Variants in USP48 observed in about 807,000 individuals in gnomAD.
The protein encoded by USP48 is ubiquitin specific peptidase 48.
USP48 carries 43 observed loss-of-function variants against 150.7 expected under a neutral mutation model. The ratio of observed to expected loss-of-function variants is 0.29; its 90% CI spans 0.22 to 0.37. The LOEUF is 0.37. Ranked by LOEUF, USP48 falls within the 10% of genes least tolerant of loss-of-function variation. The pLI is 1.00. For missense variants in USP48, 813 were observed against 1,249.6 expected (o/e 0.65, Z 5.27); for synonymous variants, 396 against 425.9 (o/e 0.93, Z 0.86).
chr1:21,729,196 T>G (rs2097749277), intron 10 of USP48, among the ~76,000 whole-genome samples: 1 of 151,044 alleles, frequency 6.6e-6, no homozygotes, highest in African/African-American at 2.4e-5. Flanking sequence ...GGCACAGAAC[T>G]GCTTAAACCC....
Position 21,694,608 on chromosome 1 carries a change from C to CAAAAAAAAA in USP48, c.2883+457_2883+458insTTTTTTTTT, listed in dbSNP as rs1491189889. Among the ~76,000 whole-genome samples, 135 of 28,994 alleles carry CAAAAAAAAA rather than the reference C, an allele frequency of 4.7e-3. 8 individuals are homozygous for CAAAAAAAAA. Among genetic ancestry groups the CAAAAAAAAA allele is most frequent in the Admixed American group, 0.016 (19 of 1,200 alleles). 19.0% of individuals were successfully genotyped at this position (28,994 alleles called of 152,430 possible). A position where few individuals can be genotyped will look rare whatever the true frequency, so the allele number is the denominator to read the frequency against. ...AAAAAAAAAAAAAAAAAAAAAAAAACCCCCTCTATCTATCAAATAGATTTA... is the reference window on the plus strand; with the variant it reads ...AAAAAAAAAAAAAAAAAAAAAAAAACAAAAAAAAACCCCTCTATCTATCAAATAGATTTA... On this transcript the variant is annotated intron_variant, in intron 23 of 26. Coordinates refer to ENST00000308271, the MANE Select transcript of USP48 (RefSeq NM_032236.8).
At chr1:21,686,976 T>G (rs956731249) in intron 25 of USP48, 1 of 566,366 alleles carries the variant, frequency 1.8e-6, no homozygotes, top group African/African-American at 1.9e-5. Flanking sequence ...GAGCTCACAT[T>G]TATTTCAGTT....
Position 21,747,085 on chromosome 1 carries a change from G to C in USP48, c.973C>G (p.Pro325Ala). 6.2e-6 allele frequency: 10 copies of C among 1,611,512 alleles called. No individual in the cohort carries two copies. Among genetic ancestry groups the C allele is most frequent in the Non-Finnish European group, 8.5e-6 (10 of 1,179,388 alleles). ...IGFSEILDME[P>A]YVEHKGGSYV... ...ATATTACCTTTATGTTCCACATAAG[G>C]CTCCATATCCAAAATTTCTGAGAAG... Residue 325 changes from proline (P) to alanine (A), a missense_variant, in exon 8 of 27, where the codon CCT becomes GCT. Physicochemically the swap from Pro to Ala is conservative, Grantham distance 27. Coordinates refer to ENST00000308271, the MANE Select transcript of USP48 (RefSeq NM_032236.8).
At chr1:21,721,407 T>C (rs981988767) in intron 13 of USP48, among the ~76,000 whole-genome samples, 1 of 152,226 alleles carries the variant, frequency 6.6e-6, no homozygotes, top group Non-Finnish European at 1.5e-5. Context: ...TTCAAGCCAA[T>C]CACACCAATC....
intron 15 of USP48, among the ~76,000 whole-genome samples, chr1:21,714,038 C>T (rs1387575428): frequency 2.0e-5 from 3 of 152,200 alleles, no homozygotes; most frequent in African/African-American, 7.2e-5. Context: ...ACCACCATCA[C>T]TAGTATCATC....
At position 21,750,724 on chromosome 1, in the gene USP48, CA is replaced by C. The variant is rs966067264; in HGVS notation, c.774+782del. Among the ~76,000 whole-genome samples, 330 of 151,544 alleles carry C rather than the reference CA, an allele frequency of 2.2e-3. 9 individuals are homozygous for C. The highest frequency in any genetic ancestry group is 2.1e-3 in the Admixed American group (32 of 15,200). On this transcript the variant is annotated intron_variant, in intron 6 of 26. Coordinates refer to ENST00000308271, the MANE Select transcript of USP48 (RefSeq NM_032236.8). ...CCTGTTTCTACTAAAAATACACACA[CA>C]AAAAAAATTAGCCAGGTATGGTGGC...
chr1:21,694,208 G>T (rs2097614068), intron 23 of USP48, among the ~76,000 whole-genome samples: 2 of 152,098 alleles, frequency 1.3e-5, no homozygotes, highest in Admixed American at 1.3e-4. Flanking sequence ...TGCTTTGAGG[G>T]GGATGGAGAG....
chr1:21,738,810 G>A (rs905304238), intron 8 of USP48, among the ~76,000 whole-genome samples: 2 of 152,038 alleles, frequency 1.3e-5, no homozygotes, highest in Non-Finnish European at 2.9e-5. Context: ...TACTGGACAC[G>A]GTTTCAGGCA....
intron 8 of USP48, among the ~76,000 whole-genome samples, chr1:21,739,411 C>T (rs537099666): frequency 1.4e-5 from 2 of 148,018 alleles, no homozygotes; most frequent in South Asian, 4.2e-4. Flanking sequence ...CCCAGCTACT[C>T]AGGAAGCTGA....
At chr1:21,761,231 T>C (rs1251469588) in intron 1 of USP48, among the ~76,000 whole-genome samples, 1 of 152,162 alleles carries the variant, frequency 6.6e-6, no homozygotes, top group East Asian at 1.9e-4. Context: ...AACAACCTTA[T>C]CGGCAAAGAT....
At chr1:21,778,035 C>T (rs9970353) in intron 1 of USP48, among the ~76,000 whole-genome samples, 16,953 of 148,354 alleles carry the variant, frequency 0.11, 1,164 homozygotes, top group African/African-American at 0.18. Flanking sequence ...CCCAGCTACT[C>T]GGGAGGCTGA....
intron 15 of USP48, among the ~76,000 whole-genome samples, chr1:21,708,310 C>G (rs1232629930): frequency 6.6e-6 from 1 of 152,040 alleles, no homozygotes; most frequent in Non-Finnish European, 1.5e-5. Context: ...ACCAGCCTGG[C>G]CAACATGGCG....
intron 9 of USP48, among the ~76,000 whole-genome samples, chr1:21,731,133 A>G (rs2097755812): frequency 6.6e-6 from 1 of 152,240 alleles, no homozygotes; most frequent in Admixed American, 6.5e-5. Context: ...AAAAGTATAT[A>G]TAAAATGTAT....
At chr1:21,725,117 A>G (rs1349556744) in intron 11 of USP48, 3 of 152,176 alleles carry the variant, frequency 2.0e-5, no homozygotes, top group Non-Finnish European at 4.4e-5. Flanking sequence ...AACCATCTCA[A>G]TTTTTATGAA....
intron 10 of USP48, among the ~76,000 whole-genome samples, chr1:21,729,422 T>C (rs1327734304): frequency 1.3e-5 from 2 of 152,218 alleles, no homozygotes; most frequent in Non-Finnish European, 2.9e-5. Flanking sequence ...CTATAGATAA[T>C]TAAATAAAAT....
intron 1 of USP48, among the ~76,000 whole-genome samples, chr1:21,775,082 T>C (rs534582365): frequency 1.3e-5 from 2 of 152,102 alleles, no homozygotes; most frequent in African/African-American, 4.8e-5. Context: ...ACAAAGTATG[T>C]ATTGTGACTC....
At chr1:21,719,701 C>A (rs2097714575) in intron 14 of USP48, among the ~76,000 whole-genome samples, 2 of 152,142 alleles carry the variant, frequency 1.3e-5, no homozygotes, top group African/African-American at 4.8e-5. Flanking sequence ...AACCCTGTCT[C>A]TTCTAAACAT....
At chr1:21,770,010 T>C (rs2097874504) in intron 1 of USP48, among the ~76,000 whole-genome samples, 1 of 152,048 alleles carries the variant, frequency 6.6e-6, no homozygotes, top group Non-Finnish European at 1.5e-5. Context: ...ATATATAGTA[T>C]ATACTCACAC....
At chr1:21,747,833 A>G (rs938031669) in intron 7 of USP48, among the ~76,000 whole-genome samples, 1 of 151,962 alleles carries the variant, frequency 6.6e-6, no homozygotes, top group Non-Finnish European at 1.5e-5. Context: ...TCAGCCTCCC[A>G]AAGTGCTGGG....
Sources: gnomAD v4.1 joint callset for allele counts (sites outside exome capture counted in the v4.1 genomes callset) on GRCh38, gnomAD v4.1.1 for gene constraint, MANE v1.5 for transcripts, NCBI Gene and HGNC (gene_info 2026-07-23, HGNC 2026-07-21) for gene names.